Variants in SLC9A9 observed in about 807,000 individuals in gnomAD.
SLC9A9 encodes the protein solute carrier family 9 member A9, also known as sodium/hydrogen exchanger 9.
A neutral mutation model predicts 77.8 loss-of-function variants in SLC9A9; 62 were observed. The ratio of observed to expected loss-of-function variants is 0.80; its 90% CI spans 0.65 to 0.98. SLC9A9 has a LOEUF of 0.98. SLC9A9 is among the 50% of genes least tolerant of loss of function. The probability of loss-of-function intolerance (pLI) is 0.00; values close to 1 mark genes in which losing one functional copy is unlikely to be tolerated. For synonymous variants in SLC9A9, 320 were observed against 283.5 expected, an observed-to-expected ratio of 1.13 and a Z score of -1.29; for missense variants, 775 against 774.9, an observed-to-expected ratio of 1.00 and a Z score of 0.00.
chr3:143,741,342 G>A (rs1468214629), intron 4 of SLC9A9, among the ~76,000 whole-genome samples: 1 of 152,024 alleles, frequency 6.6e-6, no homozygotes, highest in Non-Finnish European at 1.5e-5. Context: ...AACGGCCAAA[G>A]CTAAAATAGC....
At chr3:143,728,285 A>C (rs1934713335) in intron 4 of SLC9A9, among the ~76,000 whole-genome samples, 1 of 152,148 alleles carries the variant, frequency 6.6e-6, no homozygotes, top group Non-Finnish European at 1.5e-5. Flanking sequence ...CTGGAGTGAG[A>C]TGGAGGGAAT....
chr3:143,809,934 A>G (rs989313574), intron 2 of SLC9A9, among the ~76,000 whole-genome samples: 1 of 152,214 alleles, frequency 6.6e-6, no homozygotes, highest in African/African-American at 2.4e-5. Flanking sequence ...TTTAAAATTT[A>G]TACTATTTCC....
chr3:143,785,859 T>C lies in SLC9A9; in HGVS notation c.533+9142A>G, dbSNP rs1401705513. Reference sequence around the variant, plus strand: ...CTTGAATTTTTCTTTTTTTTTTTTTTTTTTTTTTTTTTTTTGAGACGGAGT... The same window carrying C: ...CTTGAATTTTTCTTTTTTTTTTTTTCTTTTTTTTTTTTTTTGAGACGGAGT... On this transcript the variant is annotated intron_variant, in intron 4 of 15. Transcript: ENST00000316549. Among the ~76,000 whole-genome samples, 512 of 141,056 alleles carry C rather than the reference T, an allele frequency of 3.6e-3. 25 individuals carry two copies. Among genetic ancestry groups the C allele is most frequent in the African/African-American group, 0.012 (470 of 38,758 alleles). 92.5% of individuals were successfully genotyped at this position (141,056 alleles called of 152,430 possible). A position where few individuals can be genotyped will look rare whatever the true frequency, so the allele number is the denominator to read the frequency against.
intron 4 of SLC9A9, among the ~76,000 whole-genome samples, chr3:143,747,572 A>G (rs1272975048): frequency 2.1e-4 from 32 of 152,196 alleles, no homozygotes; most frequent in Admixed American, 2.1e-3. Context: ...AGTGGGGGAT[A>G]TGAAGGTGAA....
In SLC9A9 at chr3:143,534,493, T is replaced by C. The variant is rs544588699; in HGVS notation, c.1089+17869A>G. On this transcript the variant is annotated intron_variant, in intron 9 of 15. Coordinates refer to ENST00000316549, the MANE Select transcript of SLC9A9 (RefSeq NM_173653.4). The stretch of plus-strand genomic sequence containing the variant: ...GATGCCTCACCCAGAGCTCTGGAAC[T>C]GCTACTCTCCAGGGTCAGGCAATGA... Among the ~76,000 whole-genome samples, 52 of 152,324 alleles carry C rather than the reference T, an allele frequency of 3.4e-4. 1 individual carries two copies. The highest frequency in any genetic ancestry group is 6.8e-3 in the Middle Eastern group (2 of 294).
intron 14 of SLC9A9, among the ~76,000 whole-genome samples, chr3:143,296,294 A>G (rs767257212): frequency 2.0e-5 from 3 of 152,210 alleles, no homozygotes; most frequent in Non-Finnish European, 4.4e-5. Flanking sequence ...TGGATACCTC[A>G]TGTAAGTGGA....
intron 12 of SLC9A9, among the ~76,000 whole-genome samples, chr3:143,466,302 C>T (rs755418318): frequency 6.6e-6 from 1 of 152,176 alleles, no homozygotes; most frequent in South Asian, 2.1e-4. Flanking sequence ...CTGTTATTAC[C>T]TTCTGGGATA....
intron 14 of SLC9A9, among the ~76,000 whole-genome samples, chr3:143,292,270 C>T (rs1376947129): frequency 6.6e-6 from 1 of 152,220 alleles, no homozygotes; most frequent in Non-Finnish European, 1.5e-5. Context: ...GACCTCCAAG[C>T]AATTCCAGCT....
intron 8 of SLC9A9, among the ~76,000 whole-genome samples, chr3:143,557,905 T>C (rs2037015202): frequency 6.6e-6 from 1 of 152,110 alleles, no homozygotes; most frequent in Non-Finnish European, 1.5e-5. Context: ...ATTGCAAAAA[T>C]TTACATAAGT....
chr3:143,281,971 T>C (rs766111784), intron 14 of SLC9A9, among the ~76,000 whole-genome samples: 5 of 152,226 alleles, frequency 3.3e-5, no homozygotes, highest in Non-Finnish European at 7.3e-5. Flanking sequence ...ATGTCACTTA[T>C]GTTTCACTAT....
chr3:143,439,958 G>A (rs1201718141), intron 12 of SLC9A9, among the ~76,000 whole-genome samples: 2 of 152,334 alleles, frequency 1.3e-5, no homozygotes, highest in Non-Finnish European at 2.9e-5. Flanking sequence ...CAGGAGTTCA[G>A]AGACTGCCCT....
intron 1 of SLC9A9, among the ~76,000 whole-genome samples, chr3:143,834,231 C>G (rs1053793766): frequency 7.2e-5 from 11 of 152,234 alleles, no homozygotes; most frequent in South Asian, 4.1e-4. Context: ...GTTATAGATA[C>G]GTAACCCTCA....
chr3:143,841,462 G>A (rs912562293), intron 1 of SLC9A9, among the ~76,000 whole-genome samples: 1 of 152,032 alleles, frequency 6.6e-6, no homozygotes, highest in Non-Finnish European at 1.5e-5. Flanking sequence ...TTTTATTTTT[G>A]TATATCAACT....
chr3:143,278,831 T>C (rs144462999), intron 14 of SLC9A9, among the ~76,000 whole-genome samples: 225 of 152,332 alleles, frequency 1.5e-3, no homozygotes, highest in African/African-American at 4.9e-3. Context: ...TTCTAAGTAA[T>C]CCCAAGTTTT....
At chr3:143,468,347 A>G (rs1241876114) in intron 11 of SLC9A9, among the ~76,000 whole-genome samples, 1 of 152,212 alleles carries the variant, frequency 6.6e-6, no homozygotes, top group African/African-American at 2.4e-5. Context: ...TAACTTCTTC[A>G]TTGAATTGCT....
At chr3:143,457,487 T>C (rs2035114658) in intron 12 of SLC9A9, among the ~76,000 whole-genome samples, 1 of 152,216 alleles carries the variant, frequency 6.6e-6, no homozygotes, top group Admixed American at 6.5e-5. Context: ...TTTCTTTTTA[T>C]CTTTCCTCTT....
chr3:143,519,754 T>C (rs1303879459), intron 9 of SLC9A9, among the ~76,000 whole-genome samples: 2 of 152,102 alleles, frequency 1.3e-5, no homozygotes, highest in African/African-American at 4.8e-5. Context: ...CAATTCTGTA[T>C]ATATTTTGAA....
chr3:143,533,180 G>A (rs2036541031), intron 9 of SLC9A9, among the ~76,000 whole-genome samples: 1 of 152,234 alleles, frequency 6.6e-6, no homozygotes, highest in Admixed American at 6.5e-5. Flanking sequence ...CAATATAGCT[G>A]TGAACAAACC....
chr3:143,772,984 T>C (rs1346917496), intron 4 of SLC9A9, among the ~76,000 whole-genome samples: 1 of 152,228 alleles, frequency 6.6e-6, no homozygotes, highest in Non-Finnish European at 1.5e-5. Flanking sequence ...CTGAATGAGA[T>C]GCAAAATTCT....
Sources: allele counts gnomAD v4.1 joint callset (sites outside exome capture counted in the v4.1 genomes callset), GRCh38; gene constraint gnomAD v4.1.1; transcripts MANE v1.5; gene names NCBI Gene and HGNC (gene_info 2026-07-23, HGNC 2026-07-21).